SHQ1: variants seen among roughly 807,000 people sequenced by gnomAD.
The protein encoded by SHQ1 is protein SHQ1 homolog.
SHQ1 carries 49 observed loss-of-function variants against 53.8 expected under a neutral mutation model. The observed-to-expected ratio is 0.91, with a 90% CI of 0.72 to 1.16. SHQ1 has a LOEUF of 1.16. SHQ1 is among the 50% of genes most tolerant of loss of function. The pLI, the probability that SHQ1 is intolerant of heterozygous loss-of-function variation, is 0.00. For missense variants in SHQ1, 738 were observed against 683.1 expected (o/e 1.08, Z -0.90); for synonymous variants, 243 against 251.0 (o/e 0.97, Z 0.30).
At chr3:72,800,975 C>T (rs1706769193) in intron 9 of SHQ1, among the ~76,000 whole-genome samples, 1 of 152,200 alleles carries the variant, frequency 6.6e-6, no homozygotes, top group African/African-American at 2.4e-5. Flanking sequence ...AAAGGACAGC[C>T]TTGACATTAA....
At chr3:72,818,860 C>T (rs1707392297) in intron 6 of SHQ1, among the ~76,000 whole-genome samples, 1 of 152,092 alleles carries the variant, frequency 6.6e-6, no homozygotes, top group Non-Finnish European at 1.5e-5. Context: ...TAAGAGTGGC[C>T]CCCAGCTAAC....
intron 10 of SHQ1, among the ~76,000 whole-genome samples, chr3:72,781,360 G>T (rs1706070693): frequency 6.6e-6 from 1 of 151,970 alleles, no homozygotes; most frequent in Non-Finnish European, 1.5e-5. Context: ...ACAGCCTCAG[G>T]TGAGATTTTC....
chr3:72,832,667 A>G (rs1707859846), intron 4 of SHQ1, among the ~76,000 whole-genome samples, 186 bp from the exon 5 acceptor site: 1 of 152,230 alleles, frequency 6.6e-6, no homozygotes, highest in African/African-American at 2.4e-5. Context: ...AGGGCCTGTG[A>G]GATCTTTCTC....
chr3:72,728,038 T>G, the SHQ1 span, among the ~76,000 whole-genome samples: 1 of 152,218 alleles, frequency 6.6e-6, no homozygotes, highest in African/African-American at 2.4e-5. Flanking sequence ...TGTTCCCTAC[T>G]GTTCCCCAGG....
At chr3:72,736,466 C>A in the SHQ1 span, among the ~76,000 whole-genome samples, 73 of 146,356 alleles carry the variant, frequency 5.0e-4, 1 homozygote, top group South Asian at 0.015. Flanking sequence ...TCCATAAATT[C>A]TTTTCAATCA....
chr3:72,833,339 G>A lies in SHQ1; in HGVS notation c.487-858C>T, dbSNP rs147245668. Among the ~76,000 whole-genome samples, 474 of 152,236 alleles carry A rather than the reference G, an allele frequency of 3.1e-3. 6 individuals are homozygous for A. The highest frequency in any genetic ancestry group is 0.011 in the African/African-American group (448 of 41,542). On this transcript the variant is annotated intron_variant, in intron 4 of 10. Coordinates refer to ENST00000325599, the MANE Select transcript of SHQ1 (RefSeq NM_018130.3). The stretch of plus-strand genomic sequence containing the variant: ...GCTTGTAGTCCCAGCTACAAGGGAG[G>A]CTGAGGTGGGAGGATGGCTTGAGCC...
intron 9 of SHQ1, among the ~76,000 whole-genome samples, chr3:72,799,437 G>A (rs1025246955): frequency 1.3e-5 from 2 of 152,244 alleles, no homozygotes; most frequent in South Asian, 4.1e-4. Flanking sequence ...AGAGAAGGAA[G>A]AAAAATTCTG....
rs1054098549 is a variant in SHQ1 at position 72,842,213 on chromosome 3, C to T, written c.331+67G>A. 6.4e-6 allele frequency: 10 copies of T among 1,560,900 alleles called. No individual in the cohort carries two copies. In the Admixed American group the frequency reaches 8.5e-5, roughly 13 times the overall value. ...TCCTATTCACTATATCCCATTTCCC[C>T]TACAAATACACAGCATTCCAAATAT... is the stretch of plus-strand genomic sequence containing the variant. On this transcript the variant is annotated intron_variant, in intron 3 of 10. Coordinates refer to ENST00000325599, the MANE Select transcript of SHQ1 (RefSeq NM_018130.3).
At position 72,841,099 on chromosome 3, in the gene SHQ1, C is replaced by A. The variant is rs545943497; in HGVS notation, c.432G>T (p.Pro144=). 26 of 1,613,804 alleles carry A rather than the reference C, an allele frequency of 1.6e-5. No homozygotes were observed. The highest frequency in any genetic ancestry group is 2.7e-5 in the African/African-American group (2 of 74,908). The part of the protein sequence containing the change: ...CEEVSESALN[P]QCHYGFGNLR... ...AGTTTCCAAATCCATAGTGGCACTG[C>A]GGATTCAAAGCACTTTCTGATACCT... Residue 144 remains proline (P), a synonymous_variant, in exon 4 of 11, where the codon CCG becomes CCT. Transcript: ENST00000325599.
At chr3:72,741,831 T>C in the SHQ1 span, among the ~76,000 whole-genome samples, 1 of 152,034 alleles carries the variant, frequency 6.6e-6, no homozygotes, top group Non-Finnish European at 1.5e-5. Flanking sequence ...CAATAAAAAA[T>C]GCATATTTTA....
chr3:72,761,490 A>G (rs1705608180), intron 10 of SHQ1, among the ~76,000 whole-genome samples: 1 of 152,226 alleles, frequency 6.6e-6, no homozygotes, highest in South Asian at 2.1e-4. Context: ...AAATTTTTAG[A>G]TGTATTTGAA....
intron 6 of SHQ1, among the ~76,000 whole-genome samples, chr3:72,822,572 A>G (rs1341524137): frequency 1.3e-5 from 2 of 152,150 alleles, no homozygotes; most frequent in Non-Finnish European, 2.9e-5. Context: ...TGGACAGAAA[A>G]CTCAACTACG....
intron 10 of SHQ1, among the ~76,000 whole-genome samples, chr3:72,786,183 C>T (rs1706226178): frequency 6.6e-6 from 1 of 152,174 alleles, no homozygotes; most frequent in African/African-American, 2.4e-5. Flanking sequence ...TCTCACTCAC[C>T]TGGCTCAGGC....
At chr3:72,815,754 A>G (rs1286378910) in intron 7 of SHQ1, among the ~76,000 whole-genome samples, 2 of 152,208 alleles carry the variant, frequency 1.3e-5, no homozygotes, top group Admixed American at 6.5e-5. Flanking sequence ...CAATCCATAA[A>G]TAATCTATCA....
chr3:72,774,144 C>T (rs1276746903), intron 10 of SHQ1, among the ~76,000 whole-genome samples: 1 of 152,118 alleles, frequency 6.6e-6, no homozygotes, highest in Non-Finnish European at 1.5e-5. Flanking sequence ...GAAGATATAA[C>T]AATTATAAAC....
At position 72,817,295 on chromosome 3, in the gene SHQ1, A is replaced by G; in HGVS notation, c.817T>C (p.Tyr273His). ...GCCAGAAGGATATCAATCAAACTGTAGCACACTTGACGACAGGCTCTCTTG... is the reference window on the plus strand; with the variant it reads ...GCCAGAAGGATATCAATCAAACTGTGGCACACTTGACGACAGGCTCTCTTG... ...LDKRACRQVC[Y>H]SLIDILLAYC... The change falls in exon 7 of 11, where the codon TAC becomes CAC. Residue 273 changes from tyrosine to histidine, a missense_variant. Coordinates refer to ENST00000325599, the MANE Select transcript of SHQ1 (RefSeq NM_018130.3). 2 of 1,613,984 alleles carry G rather than the reference A, an allele frequency of 1.2e-6. No individual in the cohort carries two copies. The highest frequency in any genetic ancestry group is 2.7e-5 in the African/African-American group (2 of 75,056).
intron 10 of SHQ1, among the ~76,000 whole-genome samples, chr3:72,780,700 G>C (rs1283853060): frequency 1.3e-5 from 2 of 152,140 alleles, no homozygotes; most frequent in Admixed American, 6.5e-5. Context: ...CAAGAGTCAG[G>C]AGAAGAGATG....
intron 10 of SHQ1, among the ~76,000 whole-genome samples, chr3:72,782,394 T>C (rs1038371129): frequency 1.3e-5 from 2 of 152,248 alleles, no homozygotes; most frequent in East Asian, 3.8e-4. Context: ...TAAAATGTCA[T>C]ATAAATCACT....
intron 10 of SHQ1, among the ~76,000 whole-genome samples, chr3:72,783,599 C>A (rs1453301527): frequency 6.6e-6 from 1 of 152,136 alleles, no homozygotes; most frequent in Admixed American, 6.5e-5. Context: ...TAGGCATGAG[C>A]CAGCATGCCC....
Sources: gnomAD v4.1 joint callset for allele counts (sites outside exome capture counted in the v4.1 genomes callset) on GRCh38, gnomAD v4.1.1 for gene constraint, MANE v1.5 for transcripts, NCBI Gene and HGNC (gene_info 2026-07-23, HGNC 2026-07-21) for gene names.